The following GRM8 variants were observed in gnomAD, a reference collection of about 807,000 sequenced individuals.
GRM8 encodes glutamate metabotropic receptor 8.
A neutral mutation model predicts 87.2 loss-of-function variants in GRM8; 47 were observed. That is an observed-to-expected ratio of 0.54 (90% CI 0.43 to 0.69). The LOEUF (loss-of-function observed/expected upper bound fraction) is 0.69. GRM8 is among the 30% of genes least tolerant of loss of function. The pLI, the probability that GRM8 is intolerant of heterozygous loss-of-function variation, is 0.00. For synonymous variants in GRM8, 396 were observed against 404.5 expected, an observed-to-expected ratio of 0.98 and a Z score of 0.25; for missense variants, 1,019 against 1,139.2, an observed-to-expected ratio of 0.89 and a Z score of 1.52.
At chr7:127,046,857 T>G (rs748236115) in intron 3 of GRM8, among the ~76,000 whole-genome samples, 1 of 152,212 alleles carries the variant, frequency 6.6e-6, no homozygotes, top group African/African-American at 2.4e-5. Flanking sequence ...GTTCCTGTCT[T>G]ACTCTCTTTA....
intron 7 of GRM8, among the ~76,000 whole-genome samples, chr7:126,629,335 A>AT (rs1801014056): frequency 6.6e-6 from 1 of 151,944 alleles, no homozygotes; most frequent in South Asian, 2.1e-4. Context: ...AGCTTAATTC[A>AT]TTTTTTTTCA....
intron 2 of GRM8, among the ~76,000 whole-genome samples, chr7:127,195,262 A>G (rs1224593338): frequency 6.6e-6 from 1 of 152,206 alleles, no homozygotes; most frequent in Non-Finnish European, 1.5e-5. Context: ...ATACCTACAC[A>G]TGCTTACACC....
rs933262887 is a variant in GRM8 at position 127,137,344 on chromosome 7, A to G, written c.511-30632T>C. 2.3e-4 allele frequency among the ~76,000 whole-genome samples: 35 copies of G among 152,250 alleles called. 1 individual carries two copies. Among genetic ancestry groups the G allele is most frequent in the African/African-American group, 7.9e-4 (33 of 41,532 alleles). ...GATACCTCTAAGTTGTATAGGCACT[A>G]TCTGCTCATGTTCTCACCACCTCAC... On this transcript the variant is annotated intron_variant, in intron 2 of 10. Transcript: ENST00000339582.
At position 127,145,244 on chromosome 7, in the gene GRM8, G is replaced by A. The variant is rs75912230; in HGVS notation, c.511-38532C>T. 2.0e-3 allele frequency among the ~76,000 whole-genome samples: 309 copies of A among 152,136 alleles called. 1 individual carries two copies. The highest frequency in any genetic ancestry group is 3.2e-3 in the Non-Finnish European group (217 of 67,980). ...AACATGGTAAGCCCAAACTAATCAC[G>A]ATCAGAAACATTTCCCTTTTATGTA... is the stretch of plus-strand genomic sequence containing the variant. On this transcript the variant is annotated intron_variant, in intron 2 of 10. Coordinates refer to ENST00000339582, the MANE Select transcript of GRM8 (RefSeq NM_000845.3).
intron 8 of GRM8, among the ~76,000 whole-genome samples, chr7:126,544,771 G>A (rs1340970777): frequency 6.6e-6 from 1 of 152,120 alleles, no homozygotes; most frequent in Non-Finnish European, 1.5e-5. Context: ...GCCTCCCAAA[G>A]TGCTGGGATT....
chr7:126,504,644 C>A (rs907721422), intron 9 of GRM8, among the ~76,000 whole-genome samples: 3 of 151,884 alleles, frequency 2.0e-5, no homozygotes, highest in African/African-American at 7.2e-5. Context: ...TGCCCCTGAA[C>A]CCAAAATAAA....
At chr7:126,987,179 T>C (rs554318684) in intron 3 of GRM8, among the ~76,000 whole-genome samples, 13 of 152,288 alleles carry the variant, frequency 8.5e-5, no homozygotes, top group African/African-American at 3.1e-4. Flanking sequence ...CTTTTAGTCG[T>C]GTAAAAAACT....
intron 2 of GRM8, among the ~76,000 whole-genome samples, chr7:127,125,077 C>G (rs17866904): frequency 0.1 from 15,365 of 152,062 alleles, 2,624 homozygotes; most frequent in African/African-American, 0.35. Context: ...CAATGCTTTT[C>G]CCCTAAGAGT....
At chr7:126,541,780 G>A (rs1405818794) in intron 8 of GRM8, among the ~76,000 whole-genome samples, 3 of 152,186 alleles carry the variant, frequency 2.0e-5, no homozygotes, top group Non-Finnish European at 4.4e-5. Flanking sequence ...AAAGATTCCT[G>A]GAGCTAAGAG....
intron 3 of GRM8, among the ~76,000 whole-genome samples, chr7:127,025,086 G>T (rs903432223): frequency 6.6e-6 from 1 of 151,926 alleles, no homozygotes; most frequent in Non-Finnish European, 1.5e-5. Flanking sequence ...TAGAAACTTG[G>T]CCAAATCCTA....
chr7:127,244,058 A>G (rs1441844264), intron 1 of GRM8, among the ~76,000 whole-genome samples: 3 of 152,222 alleles, frequency 2.0e-5, no homozygotes, highest in Non-Finnish European at 4.4e-5. Context: ...AAAAATGTGT[A>G]AGTTTTGTAG....
chr7:126,923,275 A>G (rs1056769491), intron 3 of GRM8, among the ~76,000 whole-genome samples: 7 of 152,188 alleles, frequency 4.6e-5, no homozygotes, highest in African/African-American at 1.7e-4. Context: ...TGCATTGACT[A>G]AAATAATAAG....
At chr7:126,780,899 G>A (rs1481262135) in intron 6 of GRM8, among the ~76,000 whole-genome samples, 1 of 152,154 alleles carries the variant, frequency 6.6e-6, no homozygotes, top group Non-Finnish European at 1.5e-5. Flanking sequence ...AATGGAGTAG[G>A]CAGATTGGGA....
chr7:126,748,330 C>T (rs1037512307), intron 7 of GRM8, among the ~76,000 whole-genome samples: 1 of 151,940 alleles, frequency 6.6e-6, no homozygotes, highest in Non-Finnish European at 1.5e-5. Context: ...AGTGAACATA[C>T]AAAAATAAGT....
At chr7:126,805,925 G>A (rs1157673128) in intron 6 of GRM8, among the ~76,000 whole-genome samples, 3 of 152,144 alleles carry the variant, frequency 2.0e-5, no homozygotes, top group Non-Finnish European at 4.4e-5. Context: ...TACAAACTTT[G>A]CTGTGAGTCA....
At chr7:126,751,535 T>C (rs749859447) in intron 7 of GRM8, among the ~76,000 whole-genome samples, 4 of 152,144 alleles carry the variant, frequency 2.6e-5, no homozygotes, top group Non-Finnish European at 4.4e-5. Context: ...GCAACTTGCA[T>C]TATTTAGACA....
Position 126,533,266 on chromosome 7 carries a change from G to A in GRM8, c.2116C>T (p.Gln706Ter), listed in dbSNP as rs1353162494. The part of the protein sequence containing the change: ...LVITFSLISV[Q>*]LLGVFVWFVV... ...AACCAGACAAACACTCCAAGGAGCT[G>A]GACGGAGATGAGGCTGAAGGTGATC... The change falls in exon 9 of 11, where the codon CAG (glutamine) becomes TAG (stop). Residue 706 changes from glutamine (Q) to a stop codon, truncating the protein, a stop_gained. Coordinates refer to ENST00000339582, the MANE Select transcript of GRM8 (RefSeq NM_000845.3). LOFTEE classifies it high-confidence loss of function. 6.2e-7 allele frequency: 1 copy of A among 1,613,674 alleles called. No individual in the cohort carries two copies. The highest frequency in any genetic ancestry group is 2.2e-5 in the East Asian group (1 of 44,818).
At position 126,675,642 on chromosome 7, in the gene GRM8, A is replaced by G. The variant is rs1404807095; in HGVS notation, c.1358-66144T>C. Among the ~76,000 whole-genome samples, 4 of 152,246 alleles carry G rather than the reference A, an allele frequency of 2.6e-5. 1 individual carries two copies. Among genetic ancestry groups the G allele is most frequent in the African/African-American group, 9.6e-5 (4 of 41,470 alleles). On this transcript the variant is annotated intron_variant, in intron 7 of 10. Coordinates refer to ENST00000339582, the MANE Select transcript of GRM8 (RefSeq NM_000845.3). ...ATACATAGAAGTACTAACAAAAACC[A>G]TATGATCATCTCAATAGATGCAGAA... is the stretch of plus-strand genomic sequence containing the variant.
chr7:126,702,299 G>A (rs1810025888), intron 7 of GRM8, among the ~76,000 whole-genome samples: 1 of 152,180 alleles, frequency 6.6e-6, no homozygotes, highest in Non-Finnish European at 1.5e-5. Flanking sequence ...GGGATGGACA[G>A]GTGTAATGAG....
Sources: gnomAD v4.1 joint callset for allele counts (sites outside exome capture counted in the v4.1 genomes callset) on GRCh38, gnomAD v4.1.1 for gene constraint, MANE v1.5 for transcripts, NCBI Gene and HGNC (gene_info 2026-07-23, HGNC 2026-07-21) for gene names.